GLI1: variants seen among roughly 807,000 people sequenced by gnomAD.
GLI1 encodes the protein GLI family zinc finger 1.
A neutral mutation model predicts 87.8 loss-of-function variants in GLI1; 51 were observed. That is an observed-to-expected ratio of 0.58 (90% CI 0.46 to 0.73). The LOEUF is 0.73. Ranked by LOEUF, GLI1 falls within the 30% of genes least tolerant of loss-of-function variation. The pLI is 0.00. For missense variants in GLI1, 1,292 were observed against 1,437.2 expected (o/e 0.90, Z 1.63); for synonymous variants, 528 against 558.2 (o/e 0.95, Z 0.76).
Position 57,465,869 on chromosome 12 carries a change from G to A in GLI1, c.706G>A (p.Asp236Asn), listed in dbSNP as rs1295583467. The change falls in exon 7 of 12, where the codon GAC becomes AAC. Residue 236 changes from aspartate to asparagine, a missense_variant. This residue lies in a region of GLI1 where 383 missense variants were observed against 368.4 expected (regional missense o/e 1.04). Coordinates refer to ENST00000228682, the MANE Select transcript of GLI1 (RefSeq NM_005269.3). ...KREPESVYETDCRWDGCSQEF... is the reference protein window; with the variant it reads ...KREPESVYETNCRWDGCSQEF... ...TGAGCCTGAATCTGTGTATGAAACT[G>A]ACTGCCGTTGGGATGGCTGCAGCCA... is the stretch of plus-strand genomic sequence containing the variant. 6.2e-7 allele frequency: 1 copy of A among 1,613,984 alleles called. No individual in the cohort carries two copies. Among genetic ancestry groups the A allele is most frequent in the Non-Finnish European group, 8.5e-7 (1 of 1,179,950 alleles).
intron 10 of GLI1, among the ~76,000 whole-genome samples, chr12:57,468,470 C>T (rs1316384596): frequency 6.6e-6 from 1 of 151,776 alleles, no homozygotes; most frequent in Non-Finnish European, 1.5e-5. Flanking sequence ...TTCCTTTCTT[C>T]CTTTCTTTCT....
Position 57,470,488 on chromosome 12 carries a change from C to T in GLI1, c.1748C>T (p.Pro583Leu). The T allele has an allele frequency of 6.2e-7, 1 of 1,614,088 alleles. No individual in the cohort carries two copies. The highest frequency in any genetic ancestry group is 1.1e-5 in the South Asian group (1 of 91,074). Residue 583 changes from proline (P) to leucine (L), a missense_variant, in exon 12 of 12, where the codon CCT becomes CTT. Physicochemically the swap from Pro to Leu is moderately conservative, Grantham distance 98 (BLOSUM62 -3). Transcript: ENST00000228682. ...GCATCCTCCCTGCCTGGCCTTATGC[C>T]TGCCCAGCACTACCTGCTTCGGGCA... Reference protein sequence around the residue: ...NGASSLPGLMPAQHYLLRARY... With the variant: ...NGASSLPGLMLAQHYLLRARY...
Position 57,463,765 on chromosome 12 carries a change from AG to A in GLI1, c.79del (p.Ala27ProfsTer51). 5 of 1,605,704 alleles carry A rather than the reference AG, an allele frequency of 3.1e-6. No homozygotes were observed. Among genetic ancestry groups the A allele is most frequent in the Non-Finnish European group, 3.4e-6 (4 of 1,175,508 alleles). On this transcript the variant is annotated frameshift_variant, in exon 2 of 12. Transcript: ENST00000228682. LOFTEE classifies it high-confidence loss of function. The part of the protein sequence containing the change: ...EPCCLRPLPS[Q>X]GAPSVGTEGL... ...TGCTGTCTCCGGCCCCTCCCCAGTC[AG>A]GGGGCCCCCAGTGTGGGGACAGAAG...
intron 9 of GLI1, 112 bp from the exon 10 acceptor site, chr12:57,467,882 T>C (rs1381727337): frequency 2.8e-6 from 2 of 707,148 alleles, no homozygotes; most frequent in Admixed American, 2.2e-5. Flanking sequence ...TTACTTCCTT[T>C]GGTGCTGTGT....
chr12:57,468,805 A>C (rs1871675122), intron 10 of GLI1, among the ~76,000 whole-genome samples: 1 of 151,964 alleles, frequency 6.6e-6, no homozygotes, highest in Non-Finnish European at 1.5e-5. Context: ...CCCAGGCTGG[A>C]GTGCAGTGGC....
At chr12:57,467,588 T>A (rs534691114) in intron 9 of GLI1, 91 bp downstream of exon 9, 1 of 1,083,400 alleles carries the variant, frequency 9.2e-7, no homozygotes, top group Admixed American at 2.7e-5. Flanking sequence ...CAGCACCCAC[T>A]CCACAGAGGT....
Position 57,468,763 on chromosome 12 carries a change from CT to C in GLI1, c.1308+548del, listed in dbSNP as rs958764598. Among the ~76,000 whole-genome samples, 189 of 151,244 alleles carry C rather than the reference CT, an allele frequency of 1.2e-3. 1 individual carries two copies. Among genetic ancestry groups the C allele is most frequent in the Non-Finnish European group, 2.0e-3 (134 of 67,678 alleles). On this transcript the variant is annotated intron_variant, in intron 10 of 11. Transcript: ENST00000228682. ...CCAATGCATCCAACCCAAACTCTTT[CT>C]TTTTTTTTCAGACGGAGTCTCGCTC... is the stretch of plus-strand genomic sequence containing the variant.
At position 57,465,178 on chromosome 12, in the gene GLI1, C is replaced by G; in HGVS notation, c.457C>G (p.Pro153Ala). 1 of 1,613,376 alleles carries G rather than the reference C, an allele frequency of 6.2e-7. No homozygotes were observed. The highest frequency in any genetic ancestry group is 8.5e-7 in the Non-Finnish European group (1 of 1,179,268). ...GCCCTCGCCTTCCTTTGGGGTCCAGCCTTGTGGTCCCCATGACTCTGCCCG... is the reference window on the plus strand; with the variant it reads ...GCCCTCGCCTTCCTTTGGGGTCCAGGCTTGTGGTCCCCATGACTCTGCCCG... ...KGPSPSFGVQ[P>A]CGPHDSARGG... The change falls in exon 5 of 12, where the codon CCT becomes GCT. Residue 153 changes from proline (P) to alanine (A), a missense_variant. This residue lies in a region of GLI1 where 383 missense variants were observed against 368.4 expected (regional missense o/e 1.04). Transcript: ENST00000228682.
At chr12:57,465,750 TC>T in intron 6 of GLI1, 37 bp from the exon 7 acceptor site, 1 of 1,614,066 alleles carries the variant, frequency 6.2e-7, no homozygotes, top group East Asian at 2.2e-5. Context: ...ACTAAAGCTG[TC>T]ACCCAAGTGA....
rs759589302 is a variant in GLI1, at chr12:57,470,454, G to C, written c.1714G>C (p.Glu572Gln). The change falls in exon 12 of 12, where the codon GAG (glutamate) becomes CAG (glutamine). Residue 572 changes from glutamate (E) to glutamine (Q), a missense_variant. Glu to Gln is a conservative substitution (Grantham distance 29, BLOSUM62 2). This residue lies in a region of GLI1 where 897 missense variants were observed against 1,040.7 expected (regional missense o/e 0.86). Transcript: ENST00000228682. ...ASPFPPGSPPENGASSLPGLM... is the reference protein window; with the variant it reads ...ASPFPPGSPPQNGASSLPGLM... ...TCCTTTCCCCCCTGGCTCCCCACCA[G>C]AGAATGGAGCATCCTCCCTGCCTGG... 2 of 1,614,140 alleles carry C rather than the reference G, an allele frequency of 1.2e-6. No individual in the cohort carries two copies. The highest frequency in any genetic ancestry group is 1.7e-6 in the Non-Finnish European group (2 of 1,180,014).
chr12:57,463,664 G>A lies in GLI1; in HGVS notation c.-27-1G>A. On this transcript the variant is annotated splice_acceptor_variant, in intron 1 of 11. Transcript: ENST00000228682. LOFTEE classifies it low-confidence loss of function (5UTR_SPLICE). ...TTTATACCTACCTTCCCTTTCTGCA[G>A]TGTCCCCACACCCTCCTCTGAGACG... The A allele has an allele frequency of 7.2e-7, 1 of 1,385,990 alleles. No individual in the cohort carries two copies. Among genetic ancestry groups the A allele is most frequent in the Non-Finnish European group, 1.0e-6 (1 of 974,116 alleles). 85.9% of individuals were successfully genotyped at this position (1,385,990 alleles called of 1,614,324 possible). A position where few individuals can be genotyped will look rare whatever the true frequency, so the allele number is the denominator to read the frequency against.
chr12:57,467,739 A>T (rs1871592434), intron 9 of GLI1, among the ~76,000 whole-genome samples: 1 of 152,094 alleles, frequency 6.6e-6, no homozygotes, highest in Non-Finnish European at 1.5e-5. Context: ...GAGACCCCTG[A>T]TCCCTCCAAC....
Position 57,470,808 on chromosome 12 carries a change from C to A in GLI1, c.2068C>A (p.Pro690Thr), listed in dbSNP as rs779008962. 2.6e-5 allele frequency: 42 copies of A among 1,611,276 alleles called. No homozygotes were observed. Among genetic ancestry groups the A allele is most frequent in the Non-Finnish European group, 3.4e-5 (40 of 1,178,460 alleles). ...AACCTCTGTCTACTCACCACAGCCCCCCAGCATCACTGAGAATGCTGCCAT... is the reference window on the plus strand; with the variant it reads ...AACCTCTGTCTACTCACCACAGCCCACCAGCATCACTGAGAATGCTGCCAT... Reference protein sequence around the residue: ...LPTSVYSPQPPSITENAAMDA... With the variant: ...LPTSVYSPQPTSITENAAMDA... Residue 690 changes from proline to threonine, a missense_variant, in exon 12 of 12, where the codon CCC (proline) becomes ACC (threonine). Coordinates refer to ENST00000228682, the MANE Select transcript of GLI1 (RefSeq NM_005269.3).
chr12:57,465,953 CT>C (rs1246972901), intron 7 of GLI1, 28 bp downstream of exon 7: 2 of 1,603,392 alleles, frequency 1.2e-6, no homozygotes, highest in Non-Finnish European at 1.7e-6. Flanking sequence ...ACAGGAATGG[CT>C]AGCCAGAACC....
chr12:57,466,645 T>C (rs1696121192), intron 8 of GLI1, among the ~76,000 whole-genome samples: 1 of 152,188 alleles, frequency 6.6e-6, no homozygotes, highest in African/African-American at 2.4e-5. Context: ...GGCTCACACC[T>C]GTAATCCCAG....
rs758741662 is a variant in GLI1 at position 57,465,163 on chromosome 12, T to G, written c.442T>G (p.Ser148Ala). 1 of 1,614,052 alleles carries G rather than the reference T, an allele frequency of 6.2e-7. No individual in the cohort carries two copies. Among genetic ancestry groups the G allele is most frequent in the East Asian group, 2.2e-5 (1 of 44,878 alleles). Residue 148 changes from serine to alanine, a missense_variant, in exon 5 of 12, where the codon TCC (serine) becomes GCC (alanine). By Grantham distance (99) the Ser-to-Ala change is moderately conservative. Around this residue, in one of 3 missense-constraint regions of GLI1, gnomAD observed 383 missense variants for 368.4 expected, o/e 1.04. Coordinates refer to ENST00000228682, the MANE Select transcript of GLI1 (RefSeq NM_005269.3). ...GAATCACCAAAAAGGGCCCTCGCCTTCCTTTGGGGTCCAGCCTTGTGGTCC... is the reference window on the plus strand; with the variant it reads ...GAATCACCAAAAAGGGCCCTCGCCTGCCTTTGGGGTCCAGCCTTGTGGTCC... ...QMNHQKGPSP[S>A]FGVQPCGPHD...
At chr12:57,464,898 TA>T (rs1411028474) in intron 4 of GLI1, 30 bp downstream of exon 4, 2 of 1,521,400 alleles carry the variant, frequency 1.3e-6, no homozygotes, top group Admixed American at 3.4e-5. Context: ...AAGAGGCCCC[TA>T]AAGCCCCTAC....
At chr12:57,464,518 T>G (rs1871344477) in intron 3 of GLI1, among the ~76,000 whole-genome samples, 155 bp from the exon 4 acceptor site, 1 of 146,602 alleles carries the variant, frequency 6.8e-6, no homozygotes, top group Non-Finnish European at 1.5e-5. Context: ...CATGACTCTG[T>G]GTCTCTCAAA....
At chr12:57,463,239 A>T (rs1162524453) in intron 1 of GLI1, among the ~76,000 whole-genome samples, 2 of 151,878 alleles carry the variant, frequency 1.3e-5, no homozygotes, top group African/African-American at 4.8e-5. Context: ...TTGTTTTGAG[A>T]CGGAGTCTAG....
Sources: gnomAD v4.1 joint callset for allele counts (sites outside exome capture counted in the v4.1 genomes callset) on GRCh38, gnomAD v4.1.1 for gene constraint, gnomAD v4.1.1 regional missense constraint, MANE v1.5 for transcripts, NCBI Gene and HGNC (gene_info 2026-07-23, HGNC 2026-07-21) for gene names.